Variants in CLOCK observed in about 807,000 individuals in gnomAD.
The protein encoded by CLOCK is circadian locomoter output cycles protein kaput.
CLOCK carries 43 observed loss-of-function variants against 118.4 expected under a neutral mutation model. That is an observed-to-expected ratio of 0.36 (90% CI 0.28 to 0.47). The LOEUF (loss-of-function observed/expected upper bound fraction) is 0.47, where lower values mean the gene tolerates loss of function less well. Ranked by LOEUF, CLOCK falls within the 20% of genes least tolerant of loss-of-function variation. The pLI is 1.00. For missense variants in CLOCK, 846 were observed against 999.9 expected (o/e 0.85, Z 2.08); for synonymous variants, 326 against 339.2 (o/e 0.96, Z 0.43).
At chr4:55,536,162 G>A (rs1730879906) in intron 1 of CLOCK, among the ~76,000 whole-genome samples, 1 of 152,176 alleles carries the variant, frequency 6.6e-6, no homozygotes, top group African/African-American at 2.4e-5. Context: ...GAAAAGCAAA[G>A]TGAAATTTCC....
intron 11 of CLOCK, among the ~76,000 whole-genome samples, chr4:55,457,252 T>G (rs1053692464): frequency 1.3e-5 from 2 of 152,228 alleles, no homozygotes; most frequent in African/African-American, 2.4e-5. Context: ...TTTTCCGTAT[T>G]ATTCTATACA....
chr4:55,473,184 C>G (rs1271286077), intron 7 of CLOCK, among the ~76,000 whole-genome samples: 1 of 151,822 alleles, frequency 6.6e-6, no homozygotes, highest in Non-Finnish European at 1.5e-5. Context: ...GATTGTGCCA[C>G]TGCACTCCAG....
At chr4:55,447,562 T>C (rs963125301) in intron 18 of CLOCK, among the ~76,000 whole-genome samples, 1 of 152,106 alleles carries the variant, frequency 6.6e-6, no homozygotes, top group African/African-American at 2.4e-5. Context: ...AGGCAAAGCA[T>C]TTGGCTTTAT....
intron 1 of CLOCK, among the ~76,000 whole-genome samples, chr4:55,513,792 A>C (rs2177127): frequency 0.69 from 104,607 of 151,856 alleles, 36,285 homozygotes; most frequent in South Asian, 0.81. Flanking sequence ...TTATTTAGTT[A>C]TTGTTTATCA....
chr4:55,456,000 T>C lies in CLOCK; in HGVS notation c.879A>G (p.Ala293=), dbSNP rs775508121. 1.2e-6 allele frequency: 2 copies of C among 1,608,982 alleles called. No homozygotes were observed. The highest frequency in any genetic ancestry group is 1.7e-6 in the Non-Finnish European group (2 of 1,175,802). Reference sequence around the variant, plus strand: ...ATGGCAAATACCCTATTATGGGTGGTGCCCTAAATTACACAGAAAACAATC... The same window carrying C: ...ATGGCAAATACCCTATTATGGGTGGCGCCCTAAATTACACAGAAAACAATC... The part of the protein sequence containing the change: ...EWKFLFLDHR[A]PPIIGYLPFE... Residue 293 remains alanine, a synonymous_variant, in exon 13 of 23, where the codon GCA becomes GCG. Coordinates refer to ENST00000513440, the MANE Select transcript of CLOCK (RefSeq NM_004898.4).
At chr4:55,449,941 T>C in intron 16 of CLOCK, 150 bp downstream of exon 16, 1 of 913,652 alleles carries the variant, frequency 1.1e-6, no homozygotes, top group Non-Finnish European at 1.7e-6. Context: ...GTGGGCAATG[T>C]CCCTTTAACT....
At chr4:55,516,621 AAAGTT>A (rs1441804609) in intron 1 of CLOCK, among the ~76,000 whole-genome samples, 1 of 152,200 alleles carries the variant, frequency 6.6e-6, no homozygotes, top group Non-Finnish European at 1.5e-5. Context: ...TAGACAACAT[AAAGTT>A]AAGCCTTGAT....
intron 1 of CLOCK, among the ~76,000 whole-genome samples, chr4:55,521,549 T>G (rs555438587): frequency 6.6e-6 from 1 of 152,362 alleles, no homozygotes; most frequent in Non-Finnish European, 1.5e-5. Flanking sequence ...GCTCACCTTA[T>G]AGATTTTAGA....
chr4:55,520,908 C>G (rs1729810075), intron 1 of CLOCK, among the ~76,000 whole-genome samples: 1 of 152,174 alleles, frequency 6.6e-6, no homozygotes, highest in South Asian at 2.1e-4. Flanking sequence ...AAATTGCTCC[C>G]TATAACAACT....
intron 1 of CLOCK, among the ~76,000 whole-genome samples, chr4:55,541,521 AAT>A (rs1370007105): frequency 6.6e-6 from 1 of 152,240 alleles, no homozygotes; most frequent in African/African-American, 2.4e-5. Context: ...GTTTTATTAA[AAT>A]AGTCACAGTA....
intron 2 of CLOCK, among the ~76,000 whole-genome samples, chr4:55,499,501 C>G (rs1728294708): frequency 6.6e-6 from 1 of 152,218 alleles, no homozygotes; most frequent in Non-Finnish European, 1.5e-5. Context: ...AAGGAGCATA[C>G]AACCTAGATC....
intron 1 of CLOCK, among the ~76,000 whole-genome samples, chr4:55,541,627 ATTTTC>A (rs924624197): frequency 9.2e-5 from 14 of 152,284 alleles, no homozygotes; most frequent in African/African-American, 3.4e-4. Context: ...AGAGGAAACA[ATTTTC>A]TTTTAATATT....
In CLOCK at chr4:55,430,855, T is replaced by C. The variant is rs1476551259; in HGVS notation, c.*4560A>G. Reference sequence around the variant, plus strand: ...GTGTCCACACAATAGGCAAGATAGGTTTACAATAGTGTTTAAATCAAACTA... The same window carrying C: ...GTGTCCACACAATAGGCAAGATAGGCTTACAATAGTGTTTAAATCAAACTA... On this transcript the variant is annotated 3_prime_UTR_variant, in exon 23 of 23. Coordinates refer to ENST00000513440, the MANE Select transcript of CLOCK (RefSeq NM_004898.4). 6.6e-6 allele frequency: 1 copy of C among 152,098 alleles called. No homozygotes were observed. The highest frequency in any genetic ancestry group is 1.5e-5 in the Non-Finnish European group (1 of 68,016). 9.4% of individuals were successfully genotyped at this position (152,098 alleles called of 1,614,324 possible).
chr4:55,493,181 A>T (rs529986828), intron 2 of CLOCK, among the ~76,000 whole-genome samples: 2 of 152,292 alleles, frequency 1.3e-5, no homozygotes, highest in Non-Finnish European at 2.9e-5. Flanking sequence ...GAGAACAAAA[A>T]CTTAACAGAG....
At chr4:55,462,037 G>A (rs1451799655) in intron 9 of CLOCK, among the ~76,000 whole-genome samples, 1 of 152,084 alleles carries the variant, frequency 6.6e-6, no homozygotes, top group Non-Finnish European at 1.5e-5. Flanking sequence ...CTTTTGGCAT[G>A]AAACTTTCTT....
chr4:55,498,603 C>CTTATTATTATTATTATTA (rs56413931), intron 2 of CLOCK, among the ~76,000 whole-genome samples: 13 of 148,682 alleles, frequency 8.7e-5, no homozygotes, highest in African/African-American at 2.7e-4. Context: ...TATCTAGTTC[C>CTTATTATTATTATTATTA]TTATTATTAT....
At chr4:55,536,842 G>T (rs1050194034) in intron 1 of CLOCK, among the ~76,000 whole-genome samples, 3 of 151,412 alleles carry the variant, frequency 2.0e-5, no homozygotes, top group Non-Finnish European at 4.4e-5. Context: ...ACTACACAAT[G>T]CCTGGCATTC....
intron 2 of CLOCK, among the ~76,000 whole-genome samples, chr4:55,498,907 G>A (rs1428821727): frequency 6.6e-6 from 1 of 152,120 alleles, no homozygotes; most frequent in Non-Finnish European, 1.5e-5. Flanking sequence ...GAAGACACGA[G>A]ATCTGATGGG....
At chr4:55,538,647 T>C (rs938588546) in intron 1 of CLOCK, among the ~76,000 whole-genome samples, 1 of 152,080 alleles carries the variant, frequency 6.6e-6, no homozygotes, top group African/African-American at 2.4e-5. Context: ...TAACAGAACT[T>C]TCCAAAACTA....
Sources: gnomAD v4.1 joint callset for allele counts (sites outside exome capture counted in the v4.1 genomes callset) on GRCh38, gnomAD v4.1.1 for gene constraint, MANE v1.5 for transcripts, NCBI Gene and HGNC (gene_info 2026-07-23, HGNC 2026-07-21) for gene names.